The following MYRFL variants were observed in gnomAD, a reference collection of about 807,000 sequenced individuals.
MYRFL encodes myelin regulatory factor like, also known as myelin regulatory factor-like protein.
MYRFL carries 88 observed loss-of-function variants against 109.4 expected under a neutral mutation model. The ratio of observed to expected loss-of-function variants is 0.80; its 90% CI spans 0.68 to 0.96. The LOEUF (loss-of-function observed/expected upper bound fraction) is 0.96. MYRFL is among the 40% of genes least tolerant of loss of function. MYRFL has a pLI of 0.00. For synonymous variants in MYRFL, 324 were observed against 320.9 expected, an observed-to-expected ratio of 1.01 and a Z score of -0.10; for missense variants, 957 against 954.9, an observed-to-expected ratio of 1.00 and a Z score of -0.03.
At chr12:69,912,865 T>A (rs1954616268) in intron 13 of MYRFL, among the ~76,000 whole-genome samples, 1 of 152,212 alleles carries the variant, frequency 6.6e-6, no homozygotes, top group African/African-American at 2.4e-5. Context: ...TTTTAATTTT[T>A]TGAGGAACCA....
chr12:69,937,123 GAC>G (rs148589014), intron 19 of MYRFL, among the ~76,000 whole-genome samples: 1 of 151,520 alleles, frequency 6.6e-6, no homozygotes, highest in Non-Finnish European at 1.5e-5. Context: ...TCCTCCTAGG[GAC>G]ACACACACAC....
At chr12:69,873,333 T>C (rs1885468271) in intron 2 of MYRFL, among the ~76,000 whole-genome samples, 1 of 152,208 alleles carries the variant, frequency 6.6e-6, no homozygotes, top group South Asian at 2.1e-4. Context: ...CTGGGCTGCA[T>C]GCAGCCCACG....
At chr12:69,883,706 T>TA (rs59904690) in intron 5 of MYRFL, among the ~76,000 whole-genome samples, 36,877 of 125,270 alleles carry the variant, frequency 0.29, 5,451 homozygotes, top group East Asian at 0.44. Flanking sequence ...CTACAAAAAG[T>TA]AAAAAAAAAA....
At chr12:69,934,972 C>T (rs1201142160) in intron 16 of MYRFL, among the ~76,000 whole-genome samples, 1 of 152,176 alleles carries the variant, frequency 6.6e-6, no homozygotes, top group Admixed American at 6.5e-5. Flanking sequence ...TGGGGTTTCA[C>T]TGGGGACCCA....
chr12:69,866,732 A>G (rs186006128), intron 2 of MYRFL, among the ~76,000 whole-genome samples: 1 of 152,316 alleles, frequency 6.6e-6, no homozygotes, highest in East Asian at 1.9e-4. Flanking sequence ...TCATAGGCAG[A>G]TTTTCAGATC....
intron 1 of MYRFL, among the ~76,000 whole-genome samples, chr12:69,849,933 A>G (rs1883780230): frequency 6.6e-6 from 1 of 152,132 alleles, no homozygotes; most frequent in African/African-American, 2.4e-5. Context: ...TGGATGGGTG[A>G]TGTGGTTTGG....
chr12:69,928,669 G>A (rs1316619321), intron 15 of MYRFL, among the ~76,000 whole-genome samples: 1 of 152,196 alleles, frequency 6.6e-6, no homozygotes, highest in Non-Finnish European at 1.5e-5. Flanking sequence ...ACGTAGAAGT[G>A]CTCTGGGGCA....
chr12:69,858,224 T>C (rs11177909), intron 2 of MYRFL, among the ~76,000 whole-genome samples: 62,023 of 151,756 alleles, frequency 0.41, 12,972 homozygotes, highest in African/African-American at 0.47. Context: ...TGATATGTTA[T>C]CTTTTGATAC....
At chr12:69,857,289 A>G in intron 2 of MYRFL, among the ~76,000 whole-genome samples, 1 of 151,884 alleles carries the variant, frequency 6.6e-6, no homozygotes, top group East Asian at 1.9e-4. Context: ...ATTACTGTAC[A>G]CAGGCACTTT....
chr12:69,924,153 C>T lies in MYRFL; in HGVS notation c.1603-2418C>T, dbSNP rs185564352. On this transcript the variant is annotated intron_variant, in intron 13 of 24. Coordinates refer to ENST00000552032, the MANE Select transcript of MYRFL (RefSeq NM_182530.3). ...GCAGTGAGCCGAGATCATGCCACTG[C>T]ACTCCAGCCTGGGTGACACAGCAGG... 2.0e-4 allele frequency among the ~76,000 whole-genome samples: 29 copies of T among 143,426 alleles called. No individual in the cohort carries two copies. In the East Asian group the frequency reaches 5.8e-3, roughly 29 times the overall value. 94.1% of individuals were successfully genotyped at this position (143,426 alleles called of 152,430 possible).
At position 69,903,783 on chromosome 12, in the gene MYRFL, T is replaced by G; in HGVS notation, c.1322T>G (p.Met441Arg). Residue 441 changes from methionine (M) to arginine (R), a missense_variant, in exon 11 of 25, where the codon ATG (methionine) becomes AGG (arginine). Coordinates refer to ENST00000552032, the MANE Select transcript of MYRFL (RefSeq NM_182530.3). The part of the protein sequence containing the change: ...PDEALVVCGN[M>R]KVMGTIMHPS... ...GAAGCCCTGGTTGTCTGTGGCAACA[T>G]GAAAGTGATGGGGACCATCATGCAT... is the stretch of plus-strand genomic sequence containing the variant. The G allele has an allele frequency of 1.3e-6, 2 of 1,535,596 alleles. No individual in the cohort carries two copies. The highest frequency in any genetic ancestry group is 8.7e-7 in the Non-Finnish European group (1 of 1,146,618).
chr12:69,947,304 G>A (rs966366634), intron 19 of MYRFL, among the ~76,000 whole-genome samples: 3 of 152,132 alleles, frequency 2.0e-5, no homozygotes, highest in African/African-American at 7.2e-5. Context: ...TGAGGAGTAA[G>A]ACTATAATAA....
At chr12:69,907,607 C>T (rs935730869) in intron 11 of MYRFL, among the ~76,000 whole-genome samples, 1 of 152,094 alleles carries the variant, frequency 6.6e-6, no homozygotes, top group African/African-American at 2.4e-5. Context: ...CCTGATTGAC[C>T]CTCTCTCTTC....
chr12:69,878,514 A>G (rs745324802), intron 2 of MYRFL, among the ~76,000 whole-genome samples: 3 of 152,194 alleles, frequency 2.0e-5, no homozygotes, highest in Non-Finnish European at 2.9e-5. Context: ...ATAGATGTAT[A>G]TATATTTGGG....
intron 7 of MYRFL, 127 bp downstream of exon 7, chr12:69,891,293 C>A (rs1467314481): frequency 1.4e-5 from 10 of 694,752 alleles, no homozygotes; most frequent in Non-Finnish European, 1.9e-5. Flanking sequence ...GGTCACAAAT[C>A]TGCAACTGGG....
At chr12:69,937,516 A>C (rs1446891186) in intron 19 of MYRFL, among the ~76,000 whole-genome samples, 1 of 152,226 alleles carries the variant, frequency 6.6e-6, no homozygotes, top group Non-Finnish European at 1.5e-5. Flanking sequence ...AGATTCCATC[A>C]CAATAATTAT....
intron 2 of MYRFL, among the ~76,000 whole-genome samples, chr12:69,860,660 A>C (rs1465388178): frequency 6.6e-6 from 1 of 151,816 alleles, no homozygotes; most frequent in African/African-American, 2.4e-5. Flanking sequence ...CCCTCTTTTA[A>C]ATTGTTTGAA....
At chr12:69,843,668 G>A (rs1883369789) in intron 1 of MYRFL, among the ~76,000 whole-genome samples, 1 of 152,168 alleles carries the variant, frequency 6.6e-6, no homozygotes. Flanking sequence ...AGTACTCCCT[G>A]ATGGACTCAT....
At position 69,891,108 on chromosome 12, in the gene MYRFL, A is replaced by G. The variant is rs1407492370; in HGVS notation, c.845A>G (p.Glu282Gly). Residue 282 changes from glutamate to glycine, a missense_variant, in exon 7 of 25, where the codon GAA (glutamate) becomes GGA (glycine). Coordinates refer to ENST00000552032, the MANE Select transcript of MYRFL (RefSeq NM_182530.3). The stretch of plus-strand genomic sequence containing the variant: ...GTTTGGGGAAGTCCAAAATTTGTTG[A>G]AACCGAGATGGGCCTAAAGCCAATA... ...IQVWGSPKFV[E>G]TEMGLKPIEM... 1 of 1,535,112 alleles carries G rather than the reference A, an allele frequency of 6.5e-7. No homozygotes were observed. The highest frequency in any genetic ancestry group is 8.7e-7 in the Non-Finnish European group (1 of 1,146,528).
Sources: gnomAD v4.1 joint callset for allele counts (sites outside exome capture counted in the v4.1 genomes callset) on GRCh38, gnomAD v4.1.1 for gene constraint, MANE v1.5 for transcripts, NCBI Gene and HGNC (gene_info 2026-07-23, HGNC 2026-07-21) for gene names.